Variants in MAN1C1 observed in about 807,000 individuals in gnomAD.
MAN1C1 encodes mannosyl-oligosaccharide 1,2-alpha-mannosidase IC.
A neutral mutation model predicts 71.5 loss-of-function variants in MAN1C1; 49 were observed. That is an observed-to-expected ratio of 0.69 (90% CI 0.54 to 0.87). MAN1C1 has a LOEUF of 0.87. Ranked by LOEUF, MAN1C1 falls within the 40% of genes least tolerant of loss-of-function variation. The probability of loss-of-function intolerance (pLI) is 0.00; values close to 1 mark genes in which losing one functional copy is unlikely to be tolerated. For missense variants in MAN1C1, 743 were observed against 835.0 expected (o/e 0.89, Z 1.36); for synonymous variants, 352 against 343.7 (o/e 1.02, Z -0.27).
chr1:25,725,739 G>A lies in MAN1C1; in HGVS notation c.638-20929G>A, dbSNP rs964455681. 9.9e-5 allele frequency among the ~76,000 whole-genome samples: 15 copies of A among 152,234 alleles called. No individual in the cohort carries two copies. The South Asian group carries it at 2.7e-3, about 27-fold the overall frequency. ...TGGCATTATTAAGGATTCTCTCCCA[G>A]TGTTTGTTTTAATGGAAGTCGAAGG... On this transcript the variant is annotated intron_variant, in intron 2 of 11. Transcript: ENST00000374332. This position sits in a 1 kb window ranked among gnomAD's most constrained non-coding sequence, Gnocchi z 4.8.
At chr1:25,712,304 C>T (rs993466401) in intron 2 of MAN1C1, among the ~76,000 whole-genome samples, 8 of 152,192 alleles carry the variant, frequency 5.3e-5, no homozygotes, top group Admixed American at 3.3e-4. Context: ...CTAACGTGCC[C>T]GTTAGGCACC....
intron 1 of MAN1C1, among the ~76,000 whole-genome samples, chr1:25,623,358 A>G (rs3767915): frequency 0.17 from 25,641 of 151,976 alleles, 5,424 homozygotes; most frequent in African/African-American, 0.49. Context: ...CTTAGGCCCC[A>G]TATTCTTAAC....
chr1:25,691,057 C>A (rs990028826), intron 2 of MAN1C1, among the ~76,000 whole-genome samples: 1 of 152,180 alleles, frequency 6.6e-6, no homozygotes, highest in African/African-American at 2.4e-5. Context: ...TGGCTTACAC[C>A]CGTAGTCCCA....
intron 2 of MAN1C1, among the ~76,000 whole-genome samples, chr1:25,706,138 G>A (rs549229532): frequency 2.0e-5 from 3 of 152,134 alleles, no homozygotes; most frequent in Non-Finnish European, 4.4e-5. Context: ...AAAAGGTTAG[G>A]TCTGTTTAGC....
chr1:25,685,570 A>T (rs2046218507), intron 1 of MAN1C1, among the ~76,000 whole-genome samples: 2 of 152,248 alleles, frequency 1.3e-5, no homozygotes. Context: ...GTCCTGGGGC[A>T]GCTGGGGAGC....
rs757935224 is a variant in MAN1C1, at chr1:25,617,898, C to T, written c.101C>T (p.Thr34Ile). Residue 34 changes from threonine to isoleucine, a missense_variant, in exon 1 of 12, where the codon ACC (threonine) becomes ATC (isoleucine). Transcript: ENST00000374332. The surrounding 1 kb of genome is among the most constrained non-coding windows in gnomAD (Gnocchi z 5.1). ...LFLLFLSGLV[T>I]LCFGALFLLP... Reference sequence around the variant, plus strand: ...CTCCTCTTCCTCTCGGGCCTGGTCACCCTGTGCTTCGGGGCCCTCTTCCTG... The same window carrying T: ...CTCCTCTTCCTCTCGGGCCTGGTCATCCTGTGCTTCGGGGCCCTCTTCCTG... 3 of 1,608,478 alleles carry T rather than the reference C, an allele frequency of 1.9e-6. No individual in the cohort carries two copies. The highest frequency in any genetic ancestry group is 2.5e-6 in the Non-Finnish European group (3 of 1,178,146).
intron 1 of MAN1C1, among the ~76,000 whole-genome samples, chr1:25,661,512 G>A (rs1425624752): frequency 6.6e-6 from 1 of 152,148 alleles, no homozygotes; most frequent in African/African-American, 2.4e-5. Context: ...CTCCCCCACC[G>A]AGGGTGAGTT....
intron 1 of MAN1C1, among the ~76,000 whole-genome samples, chr1:25,665,022 C>T (rs2045900895): frequency 1.3e-5 from 2 of 152,170 alleles, no homozygotes; most frequent in South Asian, 4.1e-4. Flanking sequence ...TGGCCACTGA[C>T]GCTAGCAGGT....
chr1:25,621,757 A>C (rs1052455322), intron 1 of MAN1C1, among the ~76,000 whole-genome samples: 1 of 151,854 alleles, frequency 6.6e-6, no homozygotes, highest in Non-Finnish European at 1.5e-5. Flanking sequence ...CAGCCTCCCA[A>C]GTAACTGGGA....
intron 7 of MAN1C1, among the ~76,000 whole-genome samples, chr1:25,768,423 C>G (rs1250625385): frequency 7.6e-6 from 1 of 131,248 alleles, no homozygotes; most frequent in African/African-American, 2.9e-5. Context: ...ACACACCACA[C>G]ACAATTACAC....
At position 25,783,703 on chromosome 1, in the gene MAN1C1, C is replaced by T. The variant is rs929417574; in HGVS notation, c.1807C>T (p.Leu603=). Residue 603 remains leucine, a synonymous_variant, in exon 12 of 12, where the codon CTG becomes TTG. Coordinates refer to ENST00000374332, the MANE Select transcript of MAN1C1 (RefSeq NM_020379.4). ...GTTCTCTGAAGATGACTTGCTCTCC[C>T]TGGAAGACTGGGTGTTCAACACCGA... The part of the protein sequence containing the change: ...LLFSEDDLLS[L]EDWVFNTEAH... 1.2e-6 allele frequency: 2 copies of T among 1,613,354 alleles called. No individual in the cohort carries two copies. The highest frequency in any genetic ancestry group is 1.3e-5 in the African/African-American group (1 of 74,948).
At chr1:25,726,461 A>G (rs1490161388) in intron 2 of MAN1C1, among the ~76,000 whole-genome samples, 1 of 152,160 alleles carries the variant, frequency 6.6e-6, no homozygotes, top group Non-Finnish European at 1.5e-5. Context: ...AATGTCATCC[A>G]TGTACACACA....
rs201050058 is a variant in MAN1C1 at position 25,782,586 on chromosome 1, C to G, written c.1652C>G (p.Ala551Gly). ...YREWGWEVVL[A>G]LEKYCRTEAG... Reference sequence around the variant, plus strand: ...CCTCCTCCTCTTCCCCTTCCTCAGGCCTTGGAGAAATACTGTCGGACAGAA... The same window carrying G: ...CCTCCTCCTCTTCCCCTTCCTCAGGGCTTGGAGAAATACTGTCGGACAGAA... The change falls in exon 11 of 12, where the codon GCC becomes GGC. Residue 551 changes from alanine (A) to glycine (G), a missense_variant and splice_region_variant. Ala to Gly is a moderately conservative substitution (Grantham distance 60, BLOSUM62 0). Coordinates refer to ENST00000374332, the MANE Select transcript of MAN1C1 (RefSeq NM_020379.4). This position sits in a 1 kb window ranked among gnomAD's most constrained non-coding sequence, Gnocchi z 4.4. The G allele has an allele frequency of 1.2e-6, 2 of 1,611,488 alleles. No individual in the cohort carries two copies. Among genetic ancestry groups the G allele is most frequent in the Non-Finnish European group, 1.7e-6 (2 of 1,177,582 alleles).
At chr1:25,687,495 T>G (rs2046248430) in intron 2 of MAN1C1, among the ~76,000 whole-genome samples, 4 of 152,198 alleles carry the variant, frequency 2.6e-5, no homozygotes, top group Admixed American at 2.6e-4. Context: ...CCTGGATTCC[T>G]CACCCCTTAC....
At chr1:25,759,577 G>A (rs1202828926) in intron 6 of MAN1C1, 1 of 152,208 alleles carries the variant, frequency 6.6e-6, no homozygotes, top group East Asian at 1.9e-4. Context: ...GCTCCCAGCA[G>A]GCAACTGGGA....
chr1:25,727,947 C>T (rs906784213), intron 2 of MAN1C1, among the ~76,000 whole-genome samples: 2 of 152,242 alleles, frequency 1.3e-5, no homozygotes, highest in Non-Finnish European at 2.9e-5. Flanking sequence ...CCTGCCATGT[C>T]TGAAAAATCA....
intron 2 of MAN1C1, among the ~76,000 whole-genome samples, chr1:25,734,209 A>G (rs1371552414): frequency 6.6e-6 from 1 of 151,996 alleles, no homozygotes; most frequent in Non-Finnish European, 1.5e-5. Flanking sequence ...GCTCACTGCA[A>G]CCTCCACCTC....
At position 25,764,055 on chromosome 1, in the gene MAN1C1, A is replaced by C; in HGVS notation, c.1141+88A>C. On this transcript the variant is annotated intron_variant, in intron 7 of 11. Coordinates refer to ENST00000374332, the MANE Select transcript of MAN1C1 (RefSeq NM_020379.4). This position sits in a 1 kb window ranked among gnomAD's most constrained non-coding sequence, Gnocchi z 4.4. The stretch of plus-strand genomic sequence containing the variant: ...CCCTGCCAGGCCCCTGGGCTGAGTG[A>C]GGATGTGTCTGTCAGAGCCATGCAG... 1 of 1,095,778 alleles carries C rather than the reference A, an allele frequency of 9.1e-7. No individual in the cohort carries two copies. Among genetic ancestry groups the C allele is most frequent in the Non-Finnish European group, 1.4e-6 (1 of 721,788 alleles). 67.9% of individuals were successfully genotyped at this position (1,095,778 alleles called of 1,614,324 possible). A position where few individuals can be genotyped will look rare whatever the true frequency, so the allele number is the denominator to read the frequency against.
At chr1:25,650,910 A>G (rs2045682305) in intron 1 of MAN1C1, among the ~76,000 whole-genome samples, 2 of 152,226 alleles carry the variant, frequency 1.3e-5, no homozygotes, top group Non-Finnish European at 2.9e-5. Flanking sequence ...TTTTAATAGC[A>G]AAGGCTAAAG....
Sources: gnomAD v4.1 joint callset for allele counts (sites outside exome capture counted in the v4.1 genomes callset) on GRCh38, gnomAD v4.1.1 for gene constraint, Gnocchi (gnomAD v3.1) non-coding constraint, MANE v1.5 for transcripts, NCBI Gene and HGNC (gene_info 2026-07-23, HGNC 2026-07-21) for gene names.